IFT80: variants seen among roughly 807,000 people sequenced by gnomAD.
IFT80 encodes the protein intraflagellar transport 80, also known as intraflagellar transport protein 80 homolog.
Under a neutral mutation model 107.9 loss-of-function variants are expected in IFT80, and 79 were observed. That is an observed-to-expected ratio of 0.73 (90% confidence interval 0.61 to 0.88). The LOEUF is 0.88. IFT80 is among the 40% of genes least tolerant of loss of function. IFT80 has a pLI of 0.00. For synonymous variants in IFT80, 299 were observed against 300.9 expected, an observed-to-expected ratio of 0.99 and a Z score of 0.07; for missense variants, 797 against 914.2, an observed-to-expected ratio of 0.87 and a Z score of 1.65.
chr3:160,290,249 A>G (rs899549004), intron 12 of IFT80, among the ~76,000 whole-genome samples: 5 of 151,974 alleles, frequency 3.3e-5, no homozygotes, highest in African/African-American at 9.7e-5. Flanking sequence ...TCCCCTAAAA[A>G]TACAAAAAAT....
intron 10 of IFT80, among the ~76,000 whole-genome samples, chr3:160,305,247 AG>A (rs1217325041): frequency 1.3e-5 from 2 of 152,194 alleles, no homozygotes; most frequent in African/African-American, 4.8e-5. Context: ...AAGATGAAGG[AG>A]GGAAGGGGAA....
chr3:160,287,721 G>T (rs1715201024), intron 12 of IFT80, among the ~76,000 whole-genome samples: 1 of 152,194 alleles, frequency 6.6e-6, no homozygotes, highest in African/African-American at 2.4e-5. Context: ...AGAAAAAAGA[G>T]AAATATACAA....
rs192478545 is a variant in IFT80, at chr3:160,282,342, A to T, written c.1516+136T>A. ...AATAAACTTTCACTCCTACTTTTTT[A>T]AAAAAAGGGTTAAATAGCTAAGAAG... On this transcript the variant is annotated intron_variant, in intron 14 of 19. Transcript: ENST00000326448. 208 of 640,184 alleles carry T rather than the reference A, an allele frequency of 3.2e-4. 3 individuals carry two copies. The highest frequency in any genetic ancestry group is 3.1e-3 in the Admixed American group (94 of 30,076). The allele number at this position is 640,184 out of a possible 1,614,324, so 39.7% of individuals were successfully genotyped here. A position where few individuals can be genotyped will look rare whatever the true frequency, so the allele number is the denominator to read the frequency against.
rs1721926062 is a variant in IFT80, at chr3:160,367,138, C to T, written c.440-986G>A. Among the ~76,000 whole-genome samples, 3 of 152,014 alleles carry T rather than the reference C, an allele frequency of 2.0e-5. 1 individual carries two copies. The highest frequency in any genetic ancestry group is 2.1e-4 in the South Asian group (1 of 4,828). ...TTTTTTTTATGGCTGAATAGTACTC[C>T]ACTGTATATAAGTACCACATTTTCT... On this transcript the variant is annotated intron_variant, in intron 5 of 19. Transcript: ENST00000326448.
At chr3:160,313,103 T>A (rs1424081325) in intron 9 of IFT80, among the ~76,000 whole-genome samples, 48 of 115,908 alleles carry the variant, frequency 4.1e-4, no homozygotes, top group Non-Finnish European at 5.7e-4. Context: ...TTATATATAT[T>A]TTTTATATAT....
intron 2 of IFT80, chr3:160,384,057 C>T: frequency 2.5e-6 from 1 of 403,154 alleles, no homozygotes; most frequent in Non-Finnish European, 3.4e-6. Context: ...CCAGCCTGGC[C>T]AACATGGTGA....
chr3:160,290,432 AAAAAAGAAAAAAG>A (rs917067833), intron 12 of IFT80, among the ~76,000 whole-genome samples: 1 of 151,738 alleles, frequency 6.6e-6, no homozygotes, highest in African/African-American at 2.4e-5. Flanking sequence ...AAAGAAAAAA[AAAAAAGAAAAAAG>A]AAAGTCCTAA....
intron 13 of IFT80, among the ~76,000 whole-genome samples, chr3:160,283,143 G>C (rs1234236076): frequency 6.6e-6 from 1 of 152,112 alleles, no homozygotes. Flanking sequence ...TTGCAAATCA[G>C]AAGACTAGAC....
In IFT80 at chr3:160,389,845, CA is replaced by C. The variant is rs1236533527; in HGVS notation, c.-46-5200del. 7.2e-5 allele frequency among the ~76,000 whole-genome samples: 11 copies of C among 152,202 alleles called. No homozygotes were observed. The East Asian group carries it at 2.1e-3, about 29-fold the overall frequency. On this transcript the variant is annotated intron_variant, in intron 1 of 19. Coordinates refer to ENST00000326448, the MANE Select transcript of IFT80 (RefSeq NM_020800.3). The stretch of plus-strand genomic sequence containing the variant: ...ATTTATAGTCCTTTGGGTATATACC[CA>C]CTAATGGGATGGCTGGGTCAAATGG...
Position 160,355,646 on chromosome 3 carries a change from C to CA in IFT80, c.777+366dup, listed in dbSNP as rs901984834. 6.6e-3 allele frequency among the ~76,000 whole-genome samples: 910 copies of CA among 137,340 alleles called. 14 individuals are homozygous for CA. Among genetic ancestry groups the CA allele is most frequent in the Middle Eastern group, 0.019 (5 of 266 alleles). 90.1% of individuals were successfully genotyped at this position (137,340 alleles called of 152,430 possible). A position where few individuals can be genotyped will look rare whatever the true frequency, so the allele number is the denominator to read the frequency against. ...GATTTCGTATGAAACATATTGACAG[C>CA]AAAAAAAAAATAAAAGTTTATAAGC... On this transcript the variant is annotated intron_variant, in intron 8 of 19. Coordinates refer to ENST00000326448, the MANE Select transcript of IFT80 (RefSeq NM_020800.3).
intron 9 of IFT80, among the ~76,000 whole-genome samples, chr3:160,314,813 C>A (rs1576796388): frequency 6.6e-6 from 1 of 152,066 alleles, no homozygotes; most frequent in Admixed American, 6.6e-5. Flanking sequence ...ACAAACTGAC[C>A]AAGCAACTAC....
At chr3:160,393,545 A>T (rs1713542721) in intron 1 of IFT80, among the ~76,000 whole-genome samples, 1 of 152,234 alleles carries the variant, frequency 6.6e-6, no homozygotes, top group Non-Finnish European at 1.5e-5. Flanking sequence ...GTTATTGTTC[A>T]ATGGGTACAG....
At chr3:160,389,430 T>C (rs1323229622) in intron 1 of IFT80, among the ~76,000 whole-genome samples, 2 of 150,928 alleles carry the variant, frequency 1.3e-5, no homozygotes, top group Non-Finnish European at 3.0e-5. Context: ...GCTGCACCCA[T>C]TAACTCGTCA....
chr3:160,334,238 T>C (rs921681734), intron 8 of IFT80, among the ~76,000 whole-genome samples: 1 of 152,212 alleles, frequency 6.6e-6, no homozygotes, highest in Admixed American at 6.5e-5. Flanking sequence ...TTCAGTGATA[T>C]ATACTAAAAT....
In IFT80 at chr3:160,301,047, CT is replaced by C; in HGVS notation, c.1152-2del. 1 of 1,566,578 alleles carries C rather than the reference CT, an allele frequency of 6.4e-7. No homozygotes were observed. Among genetic ancestry groups the C allele is most frequent in the Non-Finnish European group, 8.7e-7 (1 of 1,144,310 alleles). ...ACTACCATCTACAAGAAGAAAATGT[CT>C]AAAAAATAAAGAATAGAAATAGATT... On this transcript the variant is annotated splice_acceptor_variant, in intron 11 of 19. Transcript: ENST00000326448. LOFTEE classifies it high-confidence loss of function.
intron 5 of IFT80, 35 bp from the exon 6 acceptor site, chr3:160,366,187 AAACTTT>A (rs770591513): frequency 7.0e-7 from 1 of 1,431,174 alleles, no homozygotes; most frequent in South Asian, 1.2e-5. Context: ...AAAGGCTGAT[AAACTTT>A]AATTATTATG....
intron 2 of IFT80, chr3:160,384,288 T>C (rs1195228291): frequency 2.5e-5 from 16 of 652,016 alleles, no homozygotes; most frequent in Non-Finnish European, 3.1e-5. Flanking sequence ...CCTACTAAAG[T>C]AAACAAAAAC....
At chr3:160,332,303 TG>T (rs1285544327) in intron 8 of IFT80, among the ~76,000 whole-genome samples, 6 of 152,020 alleles carry the variant, frequency 3.9e-5, no homozygotes, top group African/African-American at 1.4e-4. Context: ...TGGGAAGGTG[TG>T]GGGTGTCATC....
chr3:160,345,289 T>C (rs1720208158), intron 8 of IFT80, among the ~76,000 whole-genome samples: 1 of 152,178 alleles, frequency 6.6e-6, no homozygotes, highest in African/African-American at 2.4e-5. Context: ...TGCAATAACA[T>C]GTATGGACAT....
Sources: allele counts gnomAD v4.1 joint callset (sites outside exome capture counted in the v4.1 genomes callset), GRCh38; gene constraint gnomAD v4.1.1; transcripts MANE v1.5; gene names NCBI Gene and HGNC (gene_info 2026-07-23, HGNC 2026-07-21).